Variants in ANXA8 observed in about 807,000 individuals in gnomAD.
ANXA8 encodes VAC-beta.
Under a neutral mutation model 26.8 loss-of-function variants are expected in ANXA8, and 9 were observed. The observed-to-expected ratio is 0.34, with a 90% CI of 0.20 to 0.59. The LOEUF (loss-of-function observed/expected upper bound fraction) is 0.59. ANXA8 is among the 20% of genes least tolerant of loss of function. ANXA8 has a pLI of 0.84. For synonymous variants in ANXA8, 39 were observed against 94.8 expected (o/e 0.41, Z 3.42); for missense variants, 83 against 238.5 (o/e 0.35, Z 4.29).
chr10:47,674,705 C>T, the ANXA8 span, among the ~76,000 whole-genome samples: 326 of 151,798 alleles, frequency 2.1e-3, 8 homozygotes, highest in African/African-American at 6.7e-3. Flanking sequence ...AGATTTGTCT[C>T]TTCTTCCTCA....
At chr10:47,519,426 C>T in the ANXA8 span, among the ~76,000 whole-genome samples, 1 of 122,590 alleles carries the variant, frequency 8.2e-6, no homozygotes, top group Non-Finnish European at 1.7e-5. Context: ...CAAGATTGTG[C>T]CATTGCACTC....
chr10:47,557,003 C>CTTTTTTTTTTTTT, the ANXA8 span, among the ~76,000 whole-genome samples: 1 of 113,442 alleles, frequency 8.8e-6, no homozygotes, highest in African/African-American at 3.4e-5. Context: ...TATTTTCTTT[C>CTTTTTTTTTTTTT]TTTTTTTTTT....
the ANXA8 span, among the ~76,000 whole-genome samples, chr10:47,573,224 C>T: frequency 6.7e-6 from 1 of 149,228 alleles, no homozygotes; most frequent in South Asian, 2.1e-4. Context: ...CCTCGTTATC[C>T]ACCCACCTTG....
At chr10:47,956,543 C>G in the ANXA8 span, among the ~76,000 whole-genome samples, 6 of 147,266 alleles carry the variant, frequency 4.1e-5, no homozygotes, top group Admixed American at 2.0e-4. Flanking sequence ...GTAGGGAATA[C>G]CCTACTCGCA....
the ANXA8 span, among the ~76,000 whole-genome samples, chr10:47,945,083 A>T: frequency 1.1e-4 from 17 of 150,176 alleles, no homozygotes; most frequent in African/African-American, 3.5e-4. Flanking sequence ...TCCCTCTGGG[A>T]TGCTCTTGCT....
the ANXA8 span, among the ~76,000 whole-genome samples, chr10:47,558,197 C>T: frequency 3.9e-5 from 6 of 151,932 alleles, no homozygotes; most frequent in Admixed American, 2.0e-4. Context: ...GTAGTACATA[C>T]GTCATTCTGT....
the ANXA8 span, among the ~76,000 whole-genome samples, chr10:47,500,687 G>T: frequency 9.1e-6 from 1 of 109,688 alleles, no homozygotes; most frequent in African/African-American, 3.7e-5. Flanking sequence ...CACATTAATG[G>T]AAGTGGTTAC....
chr10:47,636,825 G>A, the ANXA8 span, among the ~76,000 whole-genome samples: 1 of 151,502 alleles, frequency 6.6e-6, no homozygotes, highest in Non-Finnish European at 1.5e-5. Flanking sequence ...TTTCCAGTTT[G>A]GTTATTCACA....
the ANXA8 span, among the ~76,000 whole-genome samples, chr10:47,955,182 G>A: frequency 6.7e-6 from 1 of 149,770 alleles, no homozygotes; most frequent in Non-Finnish European, 1.5e-5. Context: ...TTTGCCTGCT[G>A]CTAACCATGT....
At chr10:47,985,833 A>G in the ANXA8 span, 1 of 150,110 alleles carries the variant, frequency 6.7e-6, no homozygotes, top group African/African-American at 2.4e-5. Context: ...AAATGGAATC[A>G]TACAATGTTT....
At chr10:47,704,977 T>G in the ANXA8 span, among the ~76,000 whole-genome samples, 1 of 152,092 alleles carries the variant, frequency 6.6e-6, no homozygotes, top group East Asian at 1.9e-4. Flanking sequence ...AAAATCCTCG[T>G]AAGATTTCAA....
chr10:47,955,526 T>G, the ANXA8 span, among the ~76,000 whole-genome samples: 1 of 150,126 alleles, frequency 6.7e-6, no homozygotes, highest in Admixed American at 6.6e-5. Context: ...GTGACTGTAC[T>G]GAATACTGCA....
intron 1 of ANXA8, among the ~76,000 whole-genome samples, chr10:47,483,220 C>G (rs1278150246): frequency 2.0e-5 from 3 of 150,250 alleles, no homozygotes; most frequent in African/African-American, 7.4e-5. Flanking sequence ...CCTGCTTCCC[C>G]TCTTCCCTCT....
At chr10:47,675,286 T>G in the ANXA8 span, among the ~76,000 whole-genome samples, 1 of 148,362 alleles carries the variant, frequency 6.7e-6, no homozygotes, top group African/African-American at 2.5e-5. Context: ...ACATGGATGA[T>G]TCTAACTTCC....
chr10:47,548,256 A>G, the ANXA8 span, among the ~76,000 whole-genome samples: 8 of 147,812 alleles, frequency 5.4e-5, no homozygotes, highest in African/African-American at 2.0e-4. Flanking sequence ...AAAACAAGGT[A>G]TCTGTCACCC....
At chr10:47,939,251 C>T in the ANXA8 span, among the ~76,000 whole-genome samples, 4 of 136,392 alleles carry the variant, frequency 2.9e-5, no homozygotes, top group East Asian at 2.3e-4. Flanking sequence ...TGCAGTGAGC[C>T]GAGATCACAC....
chr10:47,956,949 G>A, the ANXA8 span, among the ~76,000 whole-genome samples: 1 of 150,290 alleles, frequency 6.7e-6, no homozygotes, highest in African/African-American at 2.5e-5. Flanking sequence ...CCAAAACAAA[G>A]GATGTAGGAA....
chr10:47,744,009 C>T, the ANXA8 span, among the ~76,000 whole-genome samples: 1 of 144,900 alleles, frequency 6.9e-6, no homozygotes, highest in Non-Finnish European at 1.5e-5. Context: ...GAAAGAAGGA[C>T]GGTAGGGAGA....
chr10:47,747,279 G>T, the ANXA8 span, among the ~76,000 whole-genome samples: 1 of 152,082 alleles, frequency 6.6e-6, no homozygotes, highest in African/African-American at 2.4e-5. Context: ...AAGGGGCCAA[G>T]ATATCATGTA....
Sources: allele counts gnomAD v4.1 joint callset (sites outside exome capture counted in the v4.1 genomes callset), GRCh38; gene constraint gnomAD v4.1.1; transcripts MANE v1.5; gene names NCBI Gene and HGNC (gene_info 2026-07-23, HGNC 2026-07-21).